Variants in GAS6 observed in about 807,000 individuals in gnomAD.
GAS6 encodes the protein growth arrest specific 6.
In GAS6, 41 loss-of-function variants were observed where a neutral mutation model predicts 75.8. The observed-to-expected ratio is 0.54, with a 90% CI of 0.42 to 0.70. GAS6 has a LOEUF of 0.70. Among genes scored for constraint, GAS6 ranks in the 30% least tolerant of loss-of-function variants. The pLI, the probability that GAS6 is intolerant of heterozygous loss-of-function variation, is 0.00. For synonymous variants in GAS6, 432 were observed against 412.6 expected (o/e 1.05, Z -0.57); for missense variants, 854 against 940.2 (o/e 0.91, Z 1.20).
intron 2 of GAS6, among the ~76,000 whole-genome samples, chr13:113,859,772 G>C (rs189239981): frequency 3.9e-5 from 6 of 152,126 alleles, no homozygotes; most frequent in Admixed American, 3.9e-4. Flanking sequence ...CTGTGTGTGG[G>C]AGTGTGCTGC....
At position 113,823,697 on chromosome 13, in the gene GAS6, C is replaced by G. The variant is rs898254597; in HGVS notation, c.1478-147G>C. On this transcript the variant is annotated intron_variant, in intron 12 of 14. Transcript: ENST00000327773. The stretch of plus-strand genomic sequence containing the variant: ...ATCTGGGACGTGATGGAAAACTCAA[C>G]AGACTGGTTCAGATCTTGGCCCGGA... 12 of 792,714 alleles carry G rather than the reference C, an allele frequency of 1.5e-5. 1 individual carries two copies. The Admixed American group carries it at 3.7e-4, about 25-fold the overall frequency. The allele number at this position is 792,714 out of a possible 1,614,324, so 49.1% of individuals were successfully genotyped here. A position where few individuals can be genotyped will look rare whatever the true frequency, so the allele number is the denominator to read the frequency against.
At chr13:113,847,051 G>C in intron 3 of GAS6, 1 of 501,380 alleles carries the variant, frequency 2.0e-6, no homozygotes, top group South Asian at 1.5e-5. Context: ...CCGCTAGGGC[G>C]GCGGGGGGAG....
chr13:113,820,770 A>AGCT lies in GAS6; in HGVS notation c.*91_*93dup. On this transcript the variant is annotated 3_prime_UTR_variant, in exon 15 of 15. Transcript: ENST00000327773. ...CCGGGATGGTCACAGAGGAAAGCCC[A>AGCT]GCTCTCAGCATGGCCCCACGTGGTG... is the stretch of plus-strand genomic sequence containing the variant. The AGCT allele has an allele frequency of 7.3e-7, 1 of 1,366,298 alleles. No individual in the cohort carries two copies. The highest frequency in any genetic ancestry group is 9.9e-7 in the Non-Finnish European group (1 of 1,011,908). 84.6% of individuals were successfully genotyped at this position (1,366,298 alleles called of 1,614,324 possible). A position where few individuals can be genotyped will look rare whatever the true frequency, so the allele number is the denominator to read the frequency against.
At chr13:113,832,818 G>C (rs750213536) in intron 8 of GAS6, 66 bp from the exon 9 acceptor site, 2 of 1,606,454 alleles carry the variant, frequency 1.2e-6, no homozygotes, top group Admixed American at 1.7e-5. Context: ...TGAGCCCCAC[G>C]CCCCGGCCGC....
At chr13:113,859,130 A>C (rs368076507) in intron 2 of GAS6, among the ~76,000 whole-genome samples, 1 of 135,834 alleles carries the variant, frequency 7.4e-6, no homozygotes, top group Non-Finnish European at 1.6e-5. Context: ...GTGTGCTTAC[A>C]TATGTCTATG....
chr13:113,862,574 C>A (rs1001740547), intron 2 of GAS6, among the ~76,000 whole-genome samples: 1 of 152,216 alleles, frequency 6.6e-6, no homozygotes, highest in Non-Finnish European at 1.5e-5. Context: ...CGGGCAACAG[C>A]CCCAGGTGCG....
chr13:113,831,306 C>T (rs950476677), intron 10 of GAS6, among the ~76,000 whole-genome samples: 9 of 152,150 alleles, frequency 5.9e-5, no homozygotes, highest in East Asian at 1.9e-4. Flanking sequence ...CATGCATGGC[C>T]GCACTGACCA....
At chr13:113,834,770 C>T in intron 7 of GAS6, 98 bp from the exon 8 acceptor site, 1 of 1,266,090 alleles carries the variant, frequency 7.9e-7, no homozygotes, top group Non-Finnish European at 1.0e-6. Context: ...GCAAGGTGCG[C>T]TCAAGGAATT....
intron 5 of GAS6, 32 bp from the exon 6 acceptor site, chr13:113,838,223 C>G (rs1249053271): frequency 6.2e-7 from 1 of 1,610,060 alleles, no homozygotes; most frequent in Admixed American, 1.7e-5. Context: ...AAGGGGAGCC[C>G]AAGGGTGCAC....
At chr13:113,853,661 T>C (rs757642760) in intron 2 of GAS6, among the ~76,000 whole-genome samples, 2 of 152,212 alleles carry the variant, frequency 1.3e-5, no homozygotes, top group Admixed American at 6.5e-5. Context: ...ATATTTTCCA[T>C]GGGAAATGGT....
In GAS6 at chr13:113,838,183, C is replaced by A; in HGVS notation, c.475G>T (p.Glu159Ter). 6.2e-7 allele frequency: 1 copy of A among 1,612,622 alleles called. No homozygotes were observed. The highest frequency in any genetic ancestry group is 1.1e-5 in the South Asian group (1 of 91,076). The change falls in exon 6 of 15, where the codon GAA becomes TAA. Residue 159 changes from glutamate to a stop codon, truncating the protein, a stop_gained. Transcript: ENST00000327773. LOFTEE classifies it high-confidence loss of function. ...CAGCCCCCGTTCTCCTGGCTGCATT[C>A]GTTGACATCTGGGAACAAGCACAGG... ...GGRLCDKDVN[E>*]CSQENGGCLQ...
At chr13:113,828,228 C>G (rs947405635) in intron 11 of GAS6, among the ~76,000 whole-genome samples, 7 of 152,128 alleles carry the variant, frequency 4.6e-5, no homozygotes, top group African/African-American at 1.4e-4. Flanking sequence ...CGCGCCACTG[C>G]ACTCCAGCCT....
At chr13:113,860,376 G>T (rs906978001) in intron 2 of GAS6, among the ~76,000 whole-genome samples, 3 of 152,208 alleles carry the variant, frequency 2.0e-5, no homozygotes, top group Non-Finnish European at 2.9e-5. Flanking sequence ...GCAGGCCGGG[G>T]ATCAAAGTGC....
In GAS6 at chr13:113,835,502, G is replaced by A. The variant is rs995709574; in HGVS notation, c.712+11C>T. 2.0e-5 allele frequency: 33 copies of A among 1,611,862 alleles called. No individual in the cohort carries two copies. In the East Asian group the frequency reaches 6.7e-4, roughly 33 times the overall value. On this transcript the variant is annotated intron_variant, in intron 7 of 14. Transcript: ENST00000327773. ...TCAGAGAAAGCGAGGGTGACCGCGTGGCGTGGGTACCTCGGCAAGCCTTCT... is the reference window on the plus strand; with the variant it reads ...TCAGAGAAAGCGAGGGTGACCGCGTAGCGTGGGTACCTCGGCAAGCCTTCT...
In GAS6 at chr13:113,837,924, G is replaced by A; in HGVS notation, c.589+145C>T. 1.1e-5 allele frequency: 10 copies of A among 939,606 alleles called. No individual in the cohort carries two copies. The South Asian group carries it at 1.6e-4, about 15-fold the overall frequency. 58.2% of individuals were successfully genotyped at this position (939,606 alleles called of 1,614,324 possible). A position where few individuals can be genotyped will look rare whatever the true frequency, so the allele number is the denominator to read the frequency against. ...GCTCCCTGTGCTGCGGCTGGCCTGGGCTTGTGTAGTCTCTGCAGGATGCCC... is the reference window on the plus strand; with the variant it reads ...GCTCCCTGTGCTGCGGCTGGCCTGGACTTGTGTAGTCTCTGCAGGATGCCC... On this transcript the variant is annotated intron_variant, in intron 6 of 14. Coordinates refer to ENST00000327773, the MANE Select transcript of GAS6 (RefSeq NM_000820.4). The surrounding 1 kb of genome is among the most constrained non-coding windows in gnomAD (Gnocchi z 5.1).
rs1468972424 is a variant in GAS6, at chr13:113,823,472, G to A, written c.1556C>T (p.Thr519Ile). The change falls in exon 13 of 15, where the codon ACA (threonine) becomes ATA (isoleucine). Residue 519 changes from threonine to isoleucine, a missense_variant. Coordinates refer to ENST00000327773, the MANE Select transcript of GAS6 (RefSeq NM_000820.4). Reference sequence around the variant, plus strand: ...GGCCCAGAGCGCAAACAGCACGCCTGTGTCTGCGGCTGGGCGGATGTGAGC... The same window carrying A: ...GGCCCAGAGCGCAAACAGCACGCCTATGTCTGCGGCTGGGCGGATGTGAGC... ...VVAHIRPAAD[T>I]GVLFALWAPD... The A allele has an allele frequency of 1.2e-6, 2 of 1,612,858 alleles. No individual in the cohort carries two copies. The highest frequency in any genetic ancestry group is 1.7e-6 in the Non-Finnish European group (2 of 1,179,966).
Position 113,837,047 on chromosome 13 carries a change from G to T in GAS6, c.589+1022C>A, listed in dbSNP as rs528592891. On this transcript the variant is annotated intron_variant, in intron 6 of 14. Coordinates refer to ENST00000327773, the MANE Select transcript of GAS6 (RefSeq NM_000820.4). This position sits in a 1 kb window ranked among gnomAD's most constrained non-coding sequence, Gnocchi z 5.1. ...GGGACCCACGGGAGATGCTTTAGAC[G>T]TCATCTCTCAGGATCGGCCTAGTCT... 6.6e-6 allele frequency among the ~76,000 whole-genome samples: 1 copy of T among 151,792 alleles called. No homozygotes were observed. The highest frequency in any genetic ancestry group is 1.5e-5 in the Non-Finnish European group (1 of 67,920).
At chr13:113,828,022 T>C (rs928267351) in intron 11 of GAS6, among the ~76,000 whole-genome samples, 3 of 152,188 alleles carry the variant, frequency 2.0e-5, no homozygotes, top group Non-Finnish European at 2.9e-5. Context: ...ACGCCTGTAA[T>C]CCCAGCACTT....
chr13:113,833,405 G>A, intron 8 of GAS6: 1 of 992,942 alleles, frequency 1.0e-6, no homozygotes, highest in Non-Finnish European at 1.2e-6. Flanking sequence ...TGCATCCCAG[G>A]TCTGCGACTC....
Sources: gnomAD v4.1 joint callset for allele counts (sites outside exome capture counted in the v4.1 genomes callset) on GRCh38, gnomAD v4.1.1 for gene constraint, Gnocchi (gnomAD v3.1) non-coding constraint, MANE v1.5 for transcripts, NCBI Gene and HGNC (gene_info 2026-07-23, HGNC 2026-07-21) for gene names.